PPFIA2: variants seen among roughly 807,000 people sequenced by gnomAD.
The protein encoded by PPFIA2 is PPFI scaffold protein A2, also known as liprin-alpha-2.
In PPFIA2, 46 loss-of-function variants were observed where a neutral mutation model predicts 175.5. The observed-to-expected ratio is 0.26, with a 90% CI of 0.21 to 0.34. PPFIA2 has a LOEUF of 0.34. PPFIA2 is among the 10% of genes least tolerant of loss of function. The probability of loss-of-function intolerance (pLI) is 1.00; values close to 1 mark genes in which losing one functional copy is unlikely to be tolerated. For synonymous variants in PPFIA2, 568 were observed against 511.4 expected (o/e 1.11, Z -1.49); for missense variants, 1,179 against 1,506.1 (o/e 0.78, Z 3.60).
chr12:81,447,097 G>C lies in PPFIA2; in HGVS notation c.406-1377C>G, dbSNP rs1476592991. On this transcript the variant is annotated intron_variant, in intron 5 of 32. Coordinates refer to ENST00000549396, the MANE Select transcript of PPFIA2 (RefSeq NM_003625.5). ...GCAGATCACGAGGTCAGGAGATCGAGACCATCCTGGCTAACACAGTGAAAC... is the reference window on the plus strand; with the variant it reads ...GCAGATCACGAGGTCAGGAGATCGACACCATCCTGGCTAACACAGTGAAAC... Among the ~76,000 whole-genome samples the C allele has an allele frequency of 3.3e-5, 5 of 151,956 alleles. No individual in the cohort carries two copies. In the East Asian group the frequency reaches 7.7e-4, roughly 23 times the overall value.
At chr12:81,292,207 G>A (rs1016686860) in intron 24 of PPFIA2, 8 of 152,042 alleles carry the variant, frequency 5.3e-5, no homozygotes, top group African/African-American at 1.9e-4. Context: ...GCTCTTGGGA[G>A]GAAAATGTGG....
chr12:81,730,912 C>A (rs561971499), intron 3 of PPFIA2, among the ~76,000 whole-genome samples: 1 of 149,652 alleles, frequency 6.7e-6, no homozygotes, highest in African/African-American at 2.4e-5. Context: ...AAAAAAAAAA[C>A]CTAGAAATTT....
intron 6 of PPFIA2, among the ~76,000 whole-genome samples, chr12:81,442,875 A>AC (rs1331305433): frequency 1.9e-5 from 2 of 106,012 alleles, no homozygotes; most frequent in Non-Finnish European, 3.9e-5. Flanking sequence ...ATATATATAT[A>AC]TATATATATA....
intron 4 of PPFIA2, among the ~76,000 whole-genome samples, chr12:81,629,016 T>A (rs1293324688): frequency 6.6e-6 from 1 of 152,114 alleles, no homozygotes; most frequent in Non-Finnish European, 1.5e-5. Flanking sequence ...CCCTGGGTAA[T>A]CTAAATTAGT....
intron 4 of PPFIA2, among the ~76,000 whole-genome samples, chr12:81,533,300 G>A (rs1334411629): frequency 6.6e-6 from 1 of 151,436 alleles, no homozygotes; most frequent in Non-Finnish European, 1.5e-5. Context: ...TTCTATAAAG[G>A]TACTCACATT....
chr12:81,706,638 C>T (rs2077181007), intron 3 of PPFIA2, among the ~76,000 whole-genome samples: 4 of 152,200 alleles, frequency 2.6e-5, no homozygotes, highest in African/African-American at 4.8e-5. Flanking sequence ...TCAGTCTGCC[C>T]CTACCGGGGG....
chr12:81,737,331 C>T (rs923573561), intron 3 of PPFIA2, among the ~76,000 whole-genome samples: 2 of 151,854 alleles, frequency 1.3e-5, no homozygotes, highest in African/African-American at 2.4e-5. Flanking sequence ...AGGTGAGACT[C>T]CTAAGAACTG....
chr12:81,505,158 T>C (rs991427064), intron 4 of PPFIA2, among the ~76,000 whole-genome samples: 2 of 152,030 alleles, frequency 1.3e-5, no homozygotes, highest in African/African-American at 4.8e-5. Flanking sequence ...CTCCGAATGA[T>C]TTAATGTGCA....
intron 3 of PPFIA2, among the ~76,000 whole-genome samples, chr12:81,683,948 C>T (rs140659200): frequency 1.3e-5 from 2 of 151,984 alleles, no homozygotes; most frequent in Admixed American, 1.3e-4. Flanking sequence ...TTGTAACAAC[C>T]AGCTCTCATG....
intron 8 of PPFIA2, among the ~76,000 whole-genome samples, chr12:81,395,814 T>G (rs1048799680): frequency 4.6e-5 from 7 of 152,034 alleles, no homozygotes; most frequent in Admixed American, 2.0e-4. Context: ...TTCCTTTAAT[T>G]TGTCAGTCCC....
chr12:81,448,385 C>G (rs765653543), intron 5 of PPFIA2, among the ~76,000 whole-genome samples: 3 of 152,192 alleles, frequency 2.0e-5, no homozygotes, highest in Non-Finnish European at 4.4e-5. Context: ...GACCTATAAT[C>G]TCCCCCTGGA....
At chr12:81,321,055 C>CAGAGAGAGAGAGAGAGAG (rs376416224) in intron 22 of PPFIA2, among the ~76,000 whole-genome samples, 14 of 148,756 alleles carry the variant, frequency 9.4e-5, no homozygotes, top group African/African-American at 2.0e-4. Context: ...ATAAATAAAA[C>CAGAGAGAGAGAGAGAGAG]AGAGAGAGAG....
chr12:81,309,865 AC>A (rs1387225970), intron 22 of PPFIA2, among the ~76,000 whole-genome samples: 2 of 151,742 alleles, frequency 1.3e-5, no homozygotes, highest in East Asian at 3.8e-4. Flanking sequence ...TACCCCCCTG[AC>A]ACACACACAC....
chr12:81,561,518 A>T (rs189606831), intron 4 of PPFIA2, among the ~76,000 whole-genome samples: 1 of 151,478 alleles, frequency 6.6e-6, no homozygotes, highest in African/African-American at 2.4e-5. Flanking sequence ...GTCCCCCCCC[A>T]AAAAAAACGT....
chr12:81,358,237 T>G lies in PPFIA2; in HGVS notation c.1638-20A>C. ...TGAGTTCTGGAAAAAAGGAAAAATA[T>G]AAAATAATCCAATCTCAAAAATTAA... On this transcript the variant is annotated intron_variant, in intron 15 of 32. Transcript: ENST00000549396. 6.4e-7 allele frequency: 1 copy of G among 1,551,606 alleles called. No individual in the cohort carries two copies.
At chr12:81,603,156 C>G (rs2059958409) in intron 4 of PPFIA2, among the ~76,000 whole-genome samples, 1 of 151,774 alleles carries the variant, frequency 6.6e-6, no homozygotes, top group South Asian at 2.1e-4. Context: ...GTTCATTGTT[C>G]CTTAATAAGC....
intron 21 of PPFIA2, among the ~76,000 whole-genome samples, chr12:81,332,822 G>C (rs1267912145): frequency 6.6e-6 from 1 of 152,118 alleles, no homozygotes; most frequent in African/African-American, 2.4e-5. Context: ...TAGCTGCTCT[G>C]TCTTCTGAAA....
intron 4 of PPFIA2, among the ~76,000 whole-genome samples, chr12:81,559,683 T>A (rs993780929): frequency 2.6e-5 from 4 of 152,056 alleles, no homozygotes; most frequent in Admixed American, 2.6e-4. Flanking sequence ...AAAGGAAAAC[T>A]TTTTTATATT....
At chr12:81,604,671 G>C (rs2060113783) in intron 4 of PPFIA2, among the ~76,000 whole-genome samples, 1 of 151,326 alleles carries the variant, frequency 6.6e-6, no homozygotes, top group Non-Finnish European at 1.5e-5. Flanking sequence ...TGGTTTTCAG[G>C]CAATGGCTAC....
Sources: gnomAD v4.1 joint callset for allele counts (sites outside exome capture counted in the v4.1 genomes callset) on GRCh38, gnomAD v4.1.1 for gene constraint, MANE v1.5 for transcripts, NCBI Gene and HGNC (gene_info 2026-07-23, HGNC 2026-07-21) for gene names.